The following SLC25A44 variants were observed in gnomAD, a reference collection of about 807,000 sequenced individuals.
SLC25A44 encodes the protein solute carrier family 25 member 44, also known as solute carrier family 25, member 44.
A neutral mutation model predicts 29.9 loss-of-function variants in SLC25A44; 17 were observed. The observed-to-expected ratio is 0.57, with a 90% CI of 0.39 to 0.85. The LOEUF (loss-of-function observed/expected upper bound fraction) is 0.85, where lower values mean the gene tolerates loss of function less well. Among genes scored for constraint, SLC25A44 ranks in the 40% least tolerant of loss-of-function variants. The probability of loss-of-function intolerance (pLI) is 0.00; values close to 1 mark genes in which losing one functional copy is unlikely to be tolerated. For missense variants in SLC25A44, 302 were observed against 398.4 expected, an observed-to-expected ratio of 0.76 and a Z score of 2.06; for synonymous variants, 140 against 151.8, an observed-to-expected ratio of 0.92 and a Z score of 0.57.
In SLC25A44 at chr1:156,199,965, C is replaced by T; in HGVS notation, c.118C>T (p.Leu40Phe). 4.3e-6 allele frequency: 7 copies of T among 1,614,198 alleles called. No individual in the cohort carries two copies. The highest frequency in any genetic ancestry group is 5.9e-6 in the Non-Finnish European group (7 of 1,180,034). ...MIRVSVYPFT[L>F]IRTRLQVQKG... ...CCGTGTCAGTGTCTACCCATTCACCCTCATCCGCACCCGGTTGCAAGTTCA... is the reference window on the plus strand; with the variant it reads ...CCGTGTCAGTGTCTACCCATTCACCTTCATCCGCACCCGGTTGCAAGTTCA... Residue 40 changes from leucine to phenylalanine, a missense_variant, in exon 2 of 4, where the codon CTC (leucine) becomes TTC (phenylalanine). Leu to Phe is a conservative substitution (Grantham distance 22, BLOSUM62 0). Transcript: ENST00000359511.
chr1:156,203,322 C>T (rs1488742429), intron 2 of SLC25A44, among the ~76,000 whole-genome samples: 1 of 152,192 alleles, frequency 6.6e-6, no homozygotes, highest in South Asian at 2.1e-4. Context: ...GGAAAGAGGG[C>T]TCTTTCTGTT....
At chr1:156,199,615 G>A in intron 1 of SLC25A44, 1 of 547,632 alleles carries the variant, frequency 1.8e-6, no homozygotes, top group South Asian at 2.4e-5. Context: ...AACTGAGTAA[G>A]GAAGGCCTGG....
chr1:156,202,745 T>G (rs542385473), intron 2 of SLC25A44, among the ~76,000 whole-genome samples: 1 of 152,344 alleles, frequency 6.6e-6, no homozygotes, highest in South Asian at 2.1e-4. Context: ...TCTTCTGCTA[T>G]GTGGAAAGGT....
rs2103062760 is a variant in SLC25A44, at chr1:156,212,669, G to A, written c.*2238G>A. The A allele has an allele frequency of 4.9e-6, 1 of 204,348 alleles. No individual in the cohort carries two copies. The highest frequency in any genetic ancestry group is 1.2e-4 in the East Asian group (1 of 8,322). The allele number at this position is 204,348 out of a possible 1,614,324, so 12.7% of individuals were successfully genotyped here. On this transcript the variant is annotated 3_prime_UTR_variant, in exon 4 of 4. Coordinates refer to ENST00000359511, the MANE Select transcript of SLC25A44 (RefSeq NM_014655.4). ...ACCTGATTGGAGCACTGAGGAACAAGGGAATGAAAAGGCAGACTCTCTGAA... is the reference window on the plus strand; with the variant it reads ...ACCTGATTGGAGCACTGAGGAACAAAGGAATGAAAAGGCAGACTCTCTGAA...
At chr1:156,203,699 CTT>C (rs56890643) in intron 2 of SLC25A44, among the ~76,000 whole-genome samples, 19 of 106,778 alleles carry the variant, frequency 1.8e-4, no homozygotes, top group Admixed American at 5.9e-4. Context: ...ATTCTCTTTC[CTT>C]TTTTTTTTTT....
Position 156,198,588 on chromosome 1 carries a change from A to C in SLC25A44, c.-13-1247A>C, listed in dbSNP as rs1656358214. ...CTCAGCCACCCAAGTAGCTGGGACC[A>C]CAGGTGCATGCCACCATGCCTGGCT... On this transcript the variant is annotated intron_variant, in intron 1 of 3. Coordinates refer to ENST00000359511, the MANE Select transcript of SLC25A44 (RefSeq NM_014655.4). This position sits in a 1 kb window ranked among gnomAD's most constrained non-coding sequence, Gnocchi z 4.1. 1.3e-5 allele frequency: 2 copies of C among 152,230 alleles called. No individual in the cohort carries two copies. The highest frequency in any genetic ancestry group is 2.1e-4 in the South Asian group (1 of 4,832). The allele number at this position is 152,230 out of a possible 1,614,324, so 9.4% of individuals were successfully genotyped here. A position where few individuals can be genotyped will look rare whatever the true frequency, so the allele number is the denominator to read the frequency against.
chr1:156,208,568 C>A (rs1230786534), intron 3 of SLC25A44, among the ~76,000 whole-genome samples: 1 of 152,208 alleles, frequency 6.6e-6, no homozygotes, highest in East Asian at 1.9e-4. Flanking sequence ...CCATCACATG[C>A]CCATGCCTCC....
intron 2 of SLC25A44, among the ~76,000 whole-genome samples, chr1:156,204,125 A>T (rs1470873865): frequency 2.0e-5 from 3 of 149,244 alleles, no homozygotes; most frequent in Admixed American, 6.7e-5. Flanking sequence ...CTCCTGCCTG[A>T]GCCTCCCGAG....
chr1:156,196,001 G>A (rs865965985), intron 1 of SLC25A44, among the ~76,000 whole-genome samples: 1 of 152,184 alleles, frequency 6.6e-6, no homozygotes, highest in Non-Finnish European at 1.5e-5. Context: ...CTAATTCTGC[G>A]TCACCTGTTA....
rs747698399 is a variant in SLC25A44, at chr1:156,199,978, G to A, written c.131G>A (p.Arg44Gln). Residue 44 changes from arginine to glutamine, a missense_variant, in exon 2 of 4, where the codon CGG becomes CAG. Coordinates refer to ENST00000359511, the MANE Select transcript of SLC25A44 (RefSeq NM_014655.4). ...SVYPFTLIRT[R>Q]LQVQKGKSLY... Reference sequence around the variant, plus strand: ...TACCCATTCACCCTCATCCGCACCCGGTTGCAAGTTCAGAAGGGGAAGAGC... The same window carrying A: ...TACCCATTCACCCTCATCCGCACCCAGTTGCAAGTTCAGAAGGGGAAGAGC... The A allele has an allele frequency of 5.6e-6, 9 of 1,614,142 alleles. No individual in the cohort carries two copies. Among genetic ancestry groups the A allele is most frequent in the South Asian group, 4.4e-5 (4 of 91,076 alleles).
At chr1:156,195,158 C>T (rs1469971705) in intron 1 of SLC25A44, among the ~76,000 whole-genome samples, 3 of 149,672 alleles carry the variant, frequency 2.0e-5, no homozygotes, top group Admixed American at 6.7e-5. Context: ...GGCTGGAGGG[C>T]AGTGGCGCAA....
At chr1:156,206,284 G>C (rs1013954049) in intron 2 of SLC25A44, among the ~76,000 whole-genome samples, 1 of 149,716 alleles carries the variant, frequency 6.7e-6, no homozygotes, top group Non-Finnish European at 1.5e-5. Context: ...TGTCGCCTAG[G>C]CTGGAGTGCA....
At chr1:156,204,737 C>T (rs1265835379) in intron 2 of SLC25A44, among the ~76,000 whole-genome samples, 1 of 152,102 alleles carries the variant, frequency 6.6e-6, no homozygotes, top group Non-Finnish European at 1.5e-5. Flanking sequence ...ATCCACCTGC[C>T]TCAGCCTTCG....
rs1361467139 is a variant in SLC25A44, at chr1:156,212,405, G to A, written c.*1974G>A. On this transcript the variant is annotated 3_prime_UTR_variant, in exon 4 of 4. Coordinates refer to ENST00000359511, the MANE Select transcript of SLC25A44 (RefSeq NM_014655.4). ...CTTTCCTTCTGTTTTGTTGTCTTGTGCAGTATTTTACAGCCCCTCTTGTGT... is the reference window on the plus strand; with the variant it reads ...CTTTCCTTCTGTTTTGTTGTCTTGTACAGTATTTTACAGCCCCTCTTGTGT... 1.3e-5 allele frequency: 2 copies of A among 152,512 alleles called. No individual in the cohort carries two copies. Among genetic ancestry groups the A allele is most frequent in the African/African-American group, 4.8e-5 (2 of 41,448 alleles). 9.4% of individuals were successfully genotyped at this position (152,512 alleles called of 1,614,324 possible). A position where few individuals can be genotyped will look rare whatever the true frequency, so the allele number is the denominator to read the frequency against.
At position 156,198,215 on chromosome 1, in the gene SLC25A44, T is replaced by G. The variant is rs1239264543; in HGVS notation, c.-13-1620T>G. 1.3e-5 allele frequency: 2 copies of G among 152,212 alleles called. No individual in the cohort carries two copies. Among genetic ancestry groups the G allele is most frequent in the Non-Finnish European group, 1.5e-5 (1 of 68,044 alleles). 9.4% of individuals were successfully genotyped at this position (152,212 alleles called of 1,614,324 possible). A position where few individuals can be genotyped will look rare whatever the true frequency, so the allele number is the denominator to read the frequency against. ...TATCTTCCCAGTCTCCCTTTCTGGC[T>G]GAAAATTTCTAGTATCTTACAGAAC... On this transcript the variant is annotated intron_variant, in intron 1 of 3. Coordinates refer to ENST00000359511, the MANE Select transcript of SLC25A44 (RefSeq NM_014655.4). This position sits in a 1 kb window ranked among gnomAD's most constrained non-coding sequence, Gnocchi z 4.1.
intron 3 of SLC25A44, among the ~76,000 whole-genome samples, chr1:156,209,474 TATC>T (rs1283146378): frequency 6.6e-6 from 1 of 152,130 alleles, no homozygotes; most frequent in African/African-American, 2.4e-5. Context: ...GTGAAGGTCA[TATC>T]ATATAAAGGG....
In SLC25A44 at chr1:156,199,830, C is replaced by T. The variant is rs778060355; in HGVS notation, c.-13-5C>T. 8.7e-6 allele frequency: 14 copies of T among 1,606,182 alleles called. No individual in the cohort carries two copies. Among genetic ancestry groups the T allele is most frequent in the Non-Finnish European group, 1.2e-5 (14 of 1,175,526 alleles). The stretch of plus-strand genomic sequence containing the variant: ...TCACATCCCTCCATACTGCTCAAAT[C>T]CCAGGTCTTCAGGCACCATGGAGGA... On this transcript the variant is annotated splice_region_variant and splice_polypyrimidine_tract_variant and intron_variant, in intron 1 of 3. Coordinates refer to ENST00000359511, the MANE Select transcript of SLC25A44 (RefSeq NM_014655.4).
Position 156,200,236 on chromosome 1 carries a change from T to C in SLC25A44, c.389T>C (p.Ile130Thr). 6.2e-7 allele frequency: 1 copy of C among 1,614,138 alleles called. No individual in the cohort carries two copies. Among genetic ancestry groups the C allele is most frequent in the East Asian group, 2.2e-5 (1 of 44,878 alleles). The change falls in exon 2 of 4, where the codon ATT becomes ACT. Residue 130 changes from isoleucine (I) to threonine (T), a missense_variant. Transcript: ENST00000359511. ...SLVAQSITVP[I>T]DVVSQHLMMQ... ...GTGGCCCAGAGCATCACAGTGCCCA[T>C]TGATGTAGTCTCCCAGCACCTGATG... is the stretch of plus-strand genomic sequence containing the variant.
rs1238863826 is a variant in SLC25A44, at chr1:156,210,705, C to G, written c.*274C>G. 8.4e-5 allele frequency: 16 copies of G among 191,230 alleles called. No individual in the cohort carries two copies. The highest frequency in any genetic ancestry group is 1.1e-4 in the East Asian group (1 of 9,430). 11.8% of individuals were successfully genotyped at this position (191,230 alleles called of 1,614,324 possible). On this transcript the variant is annotated 3_prime_UTR_variant, in exon 4 of 4. Coordinates refer to ENST00000359511, the MANE Select transcript of SLC25A44 (RefSeq NM_014655.4). Reference sequence around the variant, plus strand: ...ATACTGGCCTAAAGACCCCACCCCCCACCCTGCCAGCCCTTCTTCTGGCTT... The same window carrying G: ...ATACTGGCCTAAAGACCCCACCCCCGACCCTGCCAGCCCTTCTTCTGGCTT...
Sources: gnomAD v4.1 joint callset for allele counts (sites outside exome capture counted in the v4.1 genomes callset) on GRCh38, gnomAD v4.1.1 for gene constraint, Gnocchi (gnomAD v3.1) non-coding constraint, MANE v1.5 for transcripts, NCBI Gene and HGNC (gene_info 2026-07-23, HGNC 2026-07-21) for gene names.